Variants in RGS21 observed in about 807,000 individuals in gnomAD.
RGS21 encodes the protein regulator of G-protein signalling 21.
A neutral mutation model predicts 18.7 loss-of-function variants in RGS21; 19 were observed. That is an observed-to-expected ratio of 1.01 (90% CI 0.71 to 1.49). The LOEUF (loss-of-function observed/expected upper bound fraction) is 1.49, where lower values mean the gene tolerates loss of function less well. Among genes scored for constraint, RGS21 ranks in the 40% most tolerant of loss-of-function variants. RGS21 has a pLI of 0.00. For missense variants in RGS21, 194 were observed against 176.8 expected (o/e 1.10, Z -0.55); for synonymous variants, 56 against 57.8 (o/e 0.97, Z 0.14).
In RGS21 at chr1:192,366,488, T is replaced by C. The variant is rs1329677658; in HGVS notation, c.*364T>C. Reference sequence around the variant, plus strand: ...CACAATTTTAAATACCATTGCTTTATTCAAAAAAATCTCACTTTTGTAAAA... The same window carrying C: ...CACAATTTTAAATACCATTGCTTTACTCAAAAAAATCTCACTTTTGTAAAA... On this transcript the variant is annotated 3_prime_UTR_variant, in exon 5 of 5. Coordinates refer to ENST00000417209, the MANE Select transcript of RGS21 (RefSeq NM_001039152.3). 1.3e-5 allele frequency: 2 copies of C among 153,180 alleles called. No homozygotes were observed. Among genetic ancestry groups the C allele is most frequent in the Non-Finnish European group, 2.9e-5 (2 of 68,760 alleles). The allele number at this position is 153,180 out of a possible 1,614,324, so 9.5% of individuals were successfully genotyped here.
chr1:192,361,045 A>G (rs1484186624), intron 4 of RGS21, among the ~76,000 whole-genome samples: 2 of 152,126 alleles, frequency 1.3e-5, no homozygotes, highest in Non-Finnish European at 2.9e-5. Context: ...ATAGCTTTCC[A>G]AAATATGTTA....
chr1:192,325,416 A>T (rs1658555723), intron 1 of RGS21, among the ~76,000 whole-genome samples: 1 of 152,076 alleles, frequency 6.6e-6, no homozygotes, highest in African/African-American at 2.4e-5. Flanking sequence ...TGATGAATAT[A>T]TGAGTGCATG....
At position 192,335,772 on chromosome 1, in the gene RGS21, G is replaced by A. The variant is rs1571453299; in HGVS notation, c.-60-7205G>A. On this transcript the variant is annotated intron_variant, in intron 1 of 4. Coordinates refer to ENST00000417209, the MANE Select transcript of RGS21 (RefSeq NM_001039152.3). The stretch of plus-strand genomic sequence containing the variant: ...AGAAATTACAGAAGACAAAAACTGG[G>A]TAGAGAATTCCAAGTAGAAGAAATT... Among the ~76,000 whole-genome samples, 6 of 152,236 alleles carry A rather than the reference G, an allele frequency of 3.9e-5. No homozygotes were observed. In the South Asian group the frequency reaches 1.2e-3, roughly 32 times the overall value.
intron 3 of RGS21, among the ~76,000 whole-genome samples, chr1:192,351,681 AATAT>A (rs1659042235): frequency 6.8e-6 from 1 of 148,106 alleles, no homozygotes; most frequent in Non-Finnish European, 1.5e-5. Context: ...TAACACATAT[AATAT>A]ATATGCTATA....
At chr1:192,336,300 C>T (rs1478664543) in intron 1 of RGS21, among the ~76,000 whole-genome samples, 2 of 151,920 alleles carry the variant, frequency 1.3e-5, no homozygotes, top group Non-Finnish European at 2.9e-5. Flanking sequence ...AATAAAAATA[C>T]AAAAATTAGC....
chr1:192,348,278 G>A (rs769249433), intron 3 of RGS21, among the ~76,000 whole-genome samples: 36 of 151,962 alleles, frequency 2.4e-4, no homozygotes, highest in Admixed American at 1.1e-3. Flanking sequence ...TGCCTGCCTT[G>A]ACCTCCCAAA....
At position 192,365,956 on chromosome 1, in the gene RGS21, A is replaced by G. The variant is rs758486188; in HGVS notation, c.291A>G (p.Ser97=). ...NIDFGTRDLI[S]KNIAEPTLKC... is the part of the protein sequence containing the mutation. The stretch of plus-strand genomic sequence containing the variant: ...ACTTCGGTACCAGAGACCTCATCTC[A>G]AAGAATATTGCTGAACCAACACTCA... The change falls in exon 5 of 5, where the codon TCA becomes TCG. Residue 97 remains serine, a synonymous_variant. Transcript: ENST00000417209. 1.1e-5 allele frequency: 18 copies of G among 1,610,224 alleles called. No individual in the cohort carries two copies. Among genetic ancestry groups the G allele is most frequent in the Non-Finnish European group, 1.5e-5 (18 of 1,177,320 alleles).
intron 1 of RGS21, among the ~76,000 whole-genome samples, chr1:192,325,567 C>A (rs555224321): frequency 6.6e-6 from 1 of 152,026 alleles, no homozygotes; most frequent in Non-Finnish European, 1.5e-5. Context: ...AATTTACATT[C>A]CCACCAGTGT....
intron 1 of RGS21, among the ~76,000 whole-genome samples, chr1:192,329,142 C>T (rs191338020): frequency 1.4e-3 from 206 of 152,040 alleles, no homozygotes; most frequent in Non-Finnish European, 2.2e-3. Flanking sequence ...ACAGATATTA[C>T]GTAGATTTTA....
rs537554433 is a variant in RGS21 at position 192,339,959 on chromosome 1, T to C, written c.-60-3018T>C. ...AAATAAAACATATATTTATATTATATATGTATGTACATAATTGTTATATAT... is the reference window on the plus strand; with the variant it reads ...AAATAAAACATATATTTATATTATACATGTATGTACATAATTGTTATATAT... On this transcript the variant is annotated intron_variant, in intron 1 of 4. Coordinates refer to ENST00000417209, the MANE Select transcript of RGS21 (RefSeq NM_001039152.3). 9.9e-5 allele frequency among the ~76,000 whole-genome samples: 15 copies of C among 152,184 alleles called. No homozygotes were observed. In the East Asian group the frequency reaches 1.9e-3, roughly 20 times the overall value.
At chr1:192,362,072 G>T (rs1659193994) in intron 4 of RGS21, among the ~76,000 whole-genome samples, 1 of 152,122 alleles carries the variant, frequency 6.6e-6, no homozygotes, top group Non-Finnish European at 1.5e-5. Context: ...TGGGAACAGA[G>T]AGTAGTCCAG....
chr1:192,333,716 A>G (rs182501553), intron 1 of RGS21, among the ~76,000 whole-genome samples: 1 of 151,766 alleles, frequency 6.6e-6, no homozygotes. Context: ...AGGGCATAAC[A>G]TAAGGGAGAT....
intron 2 of RGS21, among the ~76,000 whole-genome samples, chr1:192,346,108 A>G (rs567573150): frequency 5.9e-5 from 9 of 152,200 alleles, no homozygotes; most frequent in Admixed American, 3.9e-4. Context: ...AGGAGAAGGA[A>G]ATTTTAGATT....
intron 2 of RGS21, 78 bp downstream of exon 2, chr1:192,343,125 T>C (rs1489356226): frequency 1.6e-6 from 2 of 1,286,294 alleles, no homozygotes; most frequent in African/African-American, 1.5e-5. Flanking sequence ...AGTCTCGATG[T>C]TTTATTTCCT....
chr1:192,336,154 C>G (rs1658764328), intron 1 of RGS21, among the ~76,000 whole-genome samples: 2 of 152,120 alleles, frequency 1.3e-5, no homozygotes, highest in Non-Finnish European at 2.9e-5. Flanking sequence ...CACCACTAAT[C>G]AGAAGATCAA....
intron 1 of RGS21, among the ~76,000 whole-genome samples, chr1:192,334,963 T>A (rs770428992): frequency 6.6e-6 from 1 of 152,148 alleles, no homozygotes; most frequent in Admixed American, 6.5e-5. Context: ...CTTTTTAACA[T>A]GTATTTCATA....
intron 2 of RGS21, 93 bp from the exon 3 acceptor site, chr1:192,347,220 G>A: frequency 1.3e-6 from 1 of 773,406 alleles, no homozygotes; most frequent in East Asian, 2.6e-5. Context: ...ACAGCATGAA[G>A]TTCATTTGAA....
chr1:192,323,022 T>G (rs1239477348), intron 1 of RGS21, among the ~76,000 whole-genome samples: 1 of 152,120 alleles, frequency 6.6e-6, no homozygotes, highest in East Asian at 1.9e-4. Flanking sequence ...TATATCATCT[T>G]TGCAACTTGT....
intron 1 of RGS21, among the ~76,000 whole-genome samples, chr1:192,324,808 C>G (rs1391925540): frequency 6.6e-6 from 1 of 152,024 alleles, no homozygotes; most frequent in Non-Finnish European, 1.5e-5. Flanking sequence ...TGAATCTCAT[C>G]AAAGGTAAGC....
Sources: allele counts gnomAD v4.1 joint callset (sites outside exome capture counted in the v4.1 genomes callset), GRCh38; gene constraint gnomAD v4.1.1; transcripts MANE v1.5; gene names NCBI Gene and HGNC (gene_info 2026-07-23, HGNC 2026-07-21).